MAGI2: variants seen among roughly 807,000 people sequenced by gnomAD.
MAGI2 encodes the protein membrane-associated guanylate kinase, WW and PDZ domain-containing protein 2.
In MAGI2, 35 loss-of-function variants were observed where a neutral mutation model predicts 133.3. The observed-to-expected ratio is 0.26, with a 90% CI of 0.20 to 0.35. MAGI2 has a LOEUF of 0.35. Ranked by LOEUF, MAGI2 falls within the 10% of genes least tolerant of loss-of-function variation. The pLI, the probability that MAGI2 is intolerant of heterozygous loss-of-function variation, is 1.00. For missense variants in MAGI2, 1,636 were observed against 1,863.4 expected (o/e 0.88, Z 2.25); for synonymous variants, 729 against 710.6 (o/e 1.03, Z -0.41).
At chr7:79,285,556 G>GC (rs2129558335) in intron 1 of MAGI2, among the ~76,000 whole-genome samples, 1 of 152,206 alleles carries the variant, frequency 6.6e-6, no homozygotes, top group Non-Finnish European at 1.5e-5. Flanking sequence ...TTCTAACAGT[G>GC]CCCCACTGGA....
chr7:78,739,735 A>T (rs1822210189), intron 2 of MAGI2, among the ~76,000 whole-genome samples: 1 of 152,158 alleles, frequency 6.6e-6, no homozygotes, highest in African/African-American at 2.4e-5. Flanking sequence ...ACGTAGGCGC[A>T]CACCTCCTCG....
intron 10 of MAGI2, among the ~76,000 whole-genome samples, chr7:78,244,167 T>TAAAAAAAAAAAAA (rs535442682): frequency 2.5e-4 from 17 of 68,822 alleles, no homozygotes; most frequent in East Asian, 3.8e-4. Flanking sequence ...CTATTTAAAT[T>TAAAAAAAAAAAAA]AAAAAAAAAA....
intron 2 of MAGI2, among the ~76,000 whole-genome samples, chr7:78,691,749 G>C (rs188946649): frequency 1.5e-4 from 23 of 152,262 alleles, no homozygotes; most frequent in African/African-American, 5.5e-4. Flanking sequence ...GGTGTTAGCA[G>C]GGAAGGGAAG....
chr7:79,232,239 T>A (rs975563636), intron 1 of MAGI2, among the ~76,000 whole-genome samples: 25 of 151,894 alleles, frequency 1.6e-4, no homozygotes, highest in African/African-American at 6.0e-4. Context: ...ATCAAGGATA[T>A]TGGTCTAAAA....
chr7:78,531,214 AG>A (rs1297451128), intron 3 of MAGI2, among the ~76,000 whole-genome samples: 3 of 144,276 alleles, frequency 2.1e-5, no homozygotes, highest in Admixed American at 6.9e-5. Context: ...TTATTAATTA[AG>A]TTTTTTTTTT....
At chr7:79,167,126 G>A (rs1825007503) in intron 1 of MAGI2, among the ~76,000 whole-genome samples, 2 of 148,242 alleles carry the variant, frequency 1.3e-5, no homozygotes, top group Non-Finnish European at 3.0e-5. Flanking sequence ...TACTATACAT[G>A]CAGATACAGG....
chr7:78,863,032 A>G (rs538977142), intron 2 of MAGI2, among the ~76,000 whole-genome samples: 2 of 152,358 alleles, frequency 1.3e-5, no homozygotes, highest in African/African-American at 2.4e-5. Context: ...GCCTAATCCA[A>G]CTTTTAAGGA....
intron 1 of MAGI2, among the ~76,000 whole-genome samples, chr7:79,241,626 G>A (rs1393633039): frequency 1.3e-5 from 2 of 152,204 alleles, no homozygotes; most frequent in Non-Finnish European, 2.9e-5. Flanking sequence ...TTTTGGGACT[G>A]AAACTGCCTT....
intron 1 of MAGI2, among the ~76,000 whole-genome samples, chr7:79,230,259 C>T (rs1419606904): frequency 6.6e-6 from 1 of 150,912 alleles, no homozygotes; most frequent in Non-Finnish European, 1.5e-5. Flanking sequence ...CATACGTGTG[C>T]ATGTGTCTTT....
Position 78,102,853 on chromosome 7 carries a change from G to A in MAGI2, c.3567+22841C>T, listed in dbSNP as rs551589166. On this transcript the variant is annotated intron_variant, in intron 20 of 21. Transcript: ENST00000354212. The stretch of plus-strand genomic sequence containing the variant: ...CTGCTTTGTCTGAAACAGGGTTGCG[G>A]GTGTGAGGTGGTACGCAGCGTTCTG... 7.9e-5 allele frequency among the ~76,000 whole-genome samples: 12 copies of A among 152,326 alleles called. No individual in the cohort carries two copies. The South Asian group carries it at 1.7e-3, about 21-fold the overall frequency.
chr7:79,352,328 TG>T (rs1268361663), intron 1 of MAGI2, among the ~76,000 whole-genome samples: 13 of 152,284 alleles, frequency 8.5e-5, no homozygotes, highest in Admixed American at 5.2e-4. Context: ...TTGGAAATGG[TG>T]GTCAACCAAG....
At chr7:78,620,193 A>G (rs1159315861) in intron 3 of MAGI2, among the ~76,000 whole-genome samples, 1 of 151,940 alleles carries the variant, frequency 6.6e-6, no homozygotes, top group Admixed American at 6.6e-5. Context: ...ATTTCAGTGG[A>G]TAGAAATTTG....
chr7:78,554,782 A>T (rs1489160711), intron 3 of MAGI2: 1 of 151,906 alleles, frequency 6.6e-6, no homozygotes, highest in African/African-American at 2.4e-5. Flanking sequence ...ATTAAATCAT[A>T]CCCCCTTTGT....
intron 2 of MAGI2, among the ~76,000 whole-genome samples, chr7:78,945,590 C>T (rs924787848): frequency 2.2e-4 from 33 of 152,120 alleles, no homozygotes; most frequent in African/African-American, 8.0e-4. Context: ...GATTCCTTGA[C>T]ATTTATTTTT....
intron 1 of MAGI2, among the ~76,000 whole-genome samples, chr7:79,385,610 A>T (rs1844118456): frequency 6.6e-6 from 1 of 151,854 alleles, no homozygotes; most frequent in South Asian, 2.1e-4. Context: ...TCCACATATA[A>T]GTGAGATCAT....
intron 10 of MAGI2, among the ~76,000 whole-genome samples, chr7:78,231,196 G>A (rs992728139): frequency 2.0e-5 from 3 of 152,230 alleles, no homozygotes; most frequent in Admixed American, 2.0e-4. Context: ...GCCAGGTGCT[G>A]CCGTAAGGTT....
At chr7:79,194,942 T>A (rs78714835) in intron 1 of MAGI2, among the ~76,000 whole-genome samples, 1,908 of 152,086 alleles carry the variant, frequency 0.013, 67 homozygotes, top group African/African-American at 0.044. Context: ...AAAATGAAGT[T>A]ATTATAACAT....
At chr7:78,607,727 C>A (rs1264035895) in intron 3 of MAGI2, among the ~76,000 whole-genome samples, 1 of 152,106 alleles carries the variant, frequency 6.6e-6, no homozygotes. Context: ...GCTAAAATAA[C>A]CAGACTACAG....
At chr7:78,689,520 C>T (rs1376293050) in intron 2 of MAGI2, among the ~76,000 whole-genome samples, 1 of 151,996 alleles carries the variant, frequency 6.6e-6, no homozygotes, top group Admixed American at 6.6e-5. Flanking sequence ...ATAATATTTC[C>T]ATCACCTCAA....
Sources: allele counts gnomAD v4.1 joint callset (sites outside exome capture counted in the v4.1 genomes callset), GRCh38; gene constraint gnomAD v4.1.1; transcripts MANE v1.5; gene names NCBI Gene and HGNC (gene_info 2026-07-23, HGNC 2026-07-21).